The following DNMT3A variants were observed in gnomAD, a reference collection of about 807,000 sequenced individuals.
DNMT3A encodes the protein DNA methyltransferase 3 alpha.
In DNMT3A, 267 loss-of-function variants were observed where a neutral mutation model predicts 117.6. That is an observed-to-expected ratio of 2.27 (90% confidence interval 2.05 to 2.51). The LOEUF is 2.51. Among genes scored for constraint, DNMT3A ranks in the 30% most tolerant of loss-of-function variants. The pLI, the probability that DNMT3A is intolerant of heterozygous loss-of-function variation, is 0.00. For missense variants in DNMT3A, 1,029 were observed against 1,260.2 expected (o/e 0.82, Z 2.78); for synonymous variants, 432 against 474.8 (o/e 0.91, Z 1.17).
intron 1 of DNMT3A, among the ~76,000 whole-genome samples, chr2:25,317,776 C>T (rs1040366094): frequency 1.4e-4 from 21 of 152,216 alleles, no homozygotes; most frequent in African/African-American, 4.8e-4. Context: ...ACTCCTGTTG[C>T]CCAGGCTGGA....
intron 6 of DNMT3A, among the ~76,000 whole-genome samples, chr2:25,259,283 C>A (rs1180487516): frequency 6.6e-6 from 1 of 152,202 alleles, no homozygotes. Context: ...GAGTCTGGGG[C>A]CAGGGAGCAG....
In DNMT3A at chr2:25,236,378, T is replaced by C. The variant is rs1321437062; in HGVS notation, c.2479-553A>G. 6.6e-6 allele frequency among the ~76,000 whole-genome samples: 1 copy of C among 152,228 alleles called. No homozygotes were observed. The highest frequency in any genetic ancestry group is 6.5e-5 in the Admixed American group (1 of 15,282). On this transcript the variant is annotated intron_variant, in intron 21 of 22. Transcript: ENST00000321117. The surrounding 1 kb of genome is among the most constrained non-coding windows in gnomAD (Gnocchi z 4.5). ...CCGCACCCGGCCTAGCCACAGACTT[T>C]AGAAGTAGAAGCTGTAGCCACTGTA...
chr2:25,295,270 C>A (rs2033022259), intron 3 of DNMT3A, among the ~76,000 whole-genome samples: 1 of 152,252 alleles, frequency 6.6e-6, no homozygotes, highest in South Asian at 2.1e-4. Context: ...CCCCGCCTCC[C>A]TATCATGGGC....
rs1481827309 is a variant in DNMT3A, at chr2:25,337,504, A to G, written c.-178+4322T>C. On this transcript the variant is annotated intron_variant, in intron 1 of 22. Transcript: ENST00000321117. The surrounding 1 kb of genome is among the most constrained non-coding windows in gnomAD (Gnocchi z 5.0). ...AGGTGAGGAAACTGAGGCCCAGGGAATCGAGTTGTTGCCCAAGTTCCTGCC... is the reference window on the plus strand; with the variant it reads ...AGGTGAGGAAACTGAGGCCCAGGGAGTCGAGTTGTTGCCCAAGTTCCTGCC... Among the ~76,000 whole-genome samples the G allele has an allele frequency of 6.6e-6, 1 of 152,216 alleles. No individual in the cohort carries two copies.
Position 25,281,916 on chromosome 2 carries a change from C to T in DNMT3A, c.448+525G>A. 1 of 1,075,846 alleles carries T rather than the reference C, an allele frequency of 9.3e-7. No homozygotes were observed. Among genetic ancestry groups the T allele is most frequent in the Non-Finnish European group, 1.1e-6 (1 of 885,310 alleles). The allele number at this position is 1,075,846 out of a possible 1,614,324, so 66.6% of individuals were successfully genotyped here. On this transcript the variant is annotated intron_variant, in intron 4 of 22. Coordinates refer to ENST00000321117, the MANE Select transcript of DNMT3A (RefSeq NM_022552.5). This position sits in a 1 kb window ranked among gnomAD's most constrained non-coding sequence, Gnocchi z 4.8. ...GTTGAGTCAGCCCAACTAGGGTGGG[C>T]TCAGGACCTCTGCACTCAGGGAGGC...
intron 1 of DNMT3A, among the ~76,000 whole-genome samples, 173 bp downstream of exon 1, chr2:25,341,653 C>T (rs2035461270): frequency 1.4e-5 from 2 of 146,706 alleles, no homozygotes; most frequent in South Asian, 4.1e-4. Context: ...GCCAGCCCGG[C>T]CCGCCGTCCC....
chr2:25,272,825 G>A lies in DNMT3A; in HGVS notation c.639+2116C>T, dbSNP rs186411983. 3.8e-4 allele frequency among the ~76,000 whole-genome samples: 43 copies of A among 112,160 alleles called. No homozygotes were observed. The East Asian group carries it at 6.0e-3, about 16-fold the overall frequency. The allele number at this position is 112,160 out of a possible 152,430, so 73.6% of individuals were successfully genotyped here. ...TCTCTTTTTTTTTTTTTTTTGAGAC[G>A]GAATTTTGCTCTGTTGCCCAGGCTG... On this transcript the variant is annotated intron_variant, in intron 6 of 22. Transcript: ENST00000321117.
intron 4 of DNMT3A, among the ~76,000 whole-genome samples, chr2:25,277,871 G>A (rs2031558901): frequency 6.6e-6 from 1 of 151,890 alleles, no homozygotes; most frequent in Non-Finnish European, 1.5e-5. Flanking sequence ...ATTTCTCAAT[G>A]TGACCCCCTT....
rs1199479115 is a variant in DNMT3A, at chr2:25,233,439, T to C, written c.*840A>G. The C allele has an allele frequency of 8.6e-6, 2 of 233,644 alleles. No homozygotes were observed. The highest frequency in any genetic ancestry group is 2.2e-5 in the African/African-American group (1 of 45,344). 14.5% of individuals were successfully genotyped at this position (233,644 alleles called of 1,614,324 possible). ...ACCATTATGAAGTCGGGTTGTACAG[T>C]AGTTAACAGTACCTTTTATATATAT... On this transcript the variant is annotated 3_prime_UTR_variant, in exon 23 of 23. Transcript: ENST00000321117.
At chr2:25,241,808 T>C in intron 16 of DNMT3A, 101 bp from the exon 17 acceptor site, 1 of 1,476,944 alleles carries the variant, frequency 6.8e-7, no homozygotes. Flanking sequence ...TGGGGTCAGC[T>C]GTAGGCCCAA....
rs914610076 is a variant in DNMT3A at position 25,238,001 on chromosome 2, C to T, written c.2409-996G>A. 3.3e-5 allele frequency among the ~76,000 whole-genome samples: 5 copies of T among 152,232 alleles called. No individual in the cohort carries two copies. In the East Asian group the frequency reaches 7.7e-4, roughly 23 times the overall value. ...TCAAATCAGGTGCTCGACAGATGTC[C>T]CCGACTCTTTATGCGTGCACTGCCC... On this transcript the variant is annotated intron_variant, in intron 20 of 22. Transcript: ENST00000321117.
chr2:25,325,318 G>A (rs1038410250), intron 1 of DNMT3A, among the ~76,000 whole-genome samples: 2 of 152,190 alleles, frequency 1.3e-5, no homozygotes, highest in African/African-American at 4.8e-5. Context: ...CCCACGGCCT[G>A]GGAGTCAGGG....
chr2:25,320,235 T>C (rs1274949789), intron 1 of DNMT3A, among the ~76,000 whole-genome samples: 2 of 152,196 alleles, frequency 1.3e-5, no homozygotes, highest in African/African-American at 4.8e-5. Context: ...GAGCATCAGC[T>C]ACAATGTGCC....
chr2:25,236,935 C>A lies in DNMT3A; in HGVS notation c.2478+1G>T, dbSNP rs762213449. On this transcript the variant is annotated splice_donor_variant, in intron 21 of 22. Transcript: ENST00000321117. LOFTEE classifies it high-confidence loss of function. The surrounding 1 kb of genome is among the most constrained non-coding windows in gnomAD (Gnocchi z 4.5). Reference sequence around the variant, plus strand: ...CAGAGGTTCTAGACGCTGGAGCTGACCTTGGCTATCCTGCCATGCTCCAGA... The same window carrying A: ...CAGAGGTTCTAGACGCTGGAGCTGAACTTGGCTATCCTGCCATGCTCCAGA... 1.2e-6 allele frequency: 2 copies of A among 1,612,610 alleles called. No individual in the cohort carries two copies. Among genetic ancestry groups the A allele is most frequent in the Non-Finnish European group, 1.7e-6 (2 of 1,179,496 alleles).
intron 1 of DNMT3A, among the ~76,000 whole-genome samples, chr2:25,322,626 C>T (rs1331941690): frequency 6.6e-6 from 1 of 151,744 alleles, no homozygotes; most frequent in Non-Finnish European, 1.5e-5. Flanking sequence ...CTCAGGACTG[C>T]TCCCCTGCAC....
chr2:25,271,275 A>G (rs991796309), intron 6 of DNMT3A, among the ~76,000 whole-genome samples: 1 of 152,164 alleles, frequency 6.6e-6, no homozygotes, highest in Non-Finnish European at 1.5e-5. Context: ...TCAACCCAGG[A>G]GGCGGAGGCT....
chr2:25,317,954 C>T (rs542402393), intron 1 of DNMT3A, among the ~76,000 whole-genome samples: 35 of 152,164 alleles, frequency 2.3e-4, no homozygotes, highest in African/African-American at 7.2e-4. Context: ...AGGCTGGTCT[C>T]GAACTCCCAA....
At chr2:25,275,573 T>C in intron 4 of DNMT3A, 30 bp from the exon 5 acceptor site, 1 of 1,552,448 alleles carries the variant, frequency 6.4e-7, no homozygotes, top group African/African-American at 1.4e-5. Context: ...AAGGGACCAG[T>C]TCGTTGGTCG....
intron 3 of DNMT3A, among the ~76,000 whole-genome samples, chr2:25,287,419 A>C (rs975303862): frequency 6.6e-6 from 1 of 152,096 alleles, no homozygotes; most frequent in African/African-American, 2.4e-5. Context: ...CCCACCCGGT[A>C]TACCACACTT....
Sources: gnomAD v4.1 joint callset for allele counts (sites outside exome capture counted in the v4.1 genomes callset) on GRCh38, gnomAD v4.1.1 for gene constraint, Gnocchi (gnomAD v3.1) non-coding constraint, MANE v1.5 for transcripts, NCBI Gene and HGNC (gene_info 2026-07-23, HGNC 2026-07-21) for gene names.